Variants in NASP observed in about 807,000 individuals in gnomAD.
NASP encodes NASP histone chaperone.
Under a neutral mutation model 89.5 loss-of-function variants are expected in NASP, and 24 were observed. The ratio of observed to expected loss-of-function variants is 0.27; its 90% confidence interval spans 0.19 to 0.38. The LOEUF is 0.38. Among genes scored for constraint, NASP ranks in the 10% least tolerant of loss-of-function variants. The pLI is 1.00. For synonymous variants in NASP, 306 were observed against 324.7 expected (o/e 0.94, Z 0.62); for missense variants, 848 against 921.4 (o/e 0.92, Z 1.03).
rs1413712544 is a variant in NASP at position 45,607,785 on chromosome 1, G to C, written c.874G>C (p.Ala292Pro). ...GGTGACTCTAGAAAAGCAGGGCACT[G>C]CAGTGGAGGTAGAAGCAGAGTCTTT... ...PVVTLEKQGT[A>P]VEVEAESLDP... Residue 292 changes from alanine (A) to proline (P), a missense_variant, in exon 6 of 15, where the codon GCA becomes CCA. Transcript: ENST00000350030. 1 of 1,614,196 alleles carries C rather than the reference G, an allele frequency of 6.2e-7. No homozygotes were observed. The highest frequency in any genetic ancestry group is 8.5e-7 in the Non-Finnish European group (1 of 1,180,030).
At position 45,584,071 on chromosome 1, in the gene NASP, A is replaced by T; in HGVS notation, c.-76A>T. 1 of 1,379,688 alleles carries T rather than the reference A, an allele frequency of 7.2e-7. No individual in the cohort carries two copies. Among genetic ancestry groups the T allele is most frequent in the Non-Finnish European group, 1.0e-6 (1 of 995,954 alleles). 85.5% of individuals were successfully genotyped at this position (1,379,688 alleles called of 1,614,324 possible). A position where few individuals can be genotyped will look rare whatever the true frequency, so the allele number is the denominator to read the frequency against. ...ATCTGCCATTTTCTGTCCCTGAGTG[A>T]GTCTCTGGCGTCCCAAATTGCCTGT... On this transcript the variant is annotated 5_prime_UTR_variant, in exon 1 of 15. Transcript: ENST00000350030.
rs1238680685 is a variant in NASP at position 45,614,993 on chromosome 1, C to G, written c.1667-20C>G. ...GTTGAATGCTGTCCATTTACTTGCT[C>G]TTCTTTTTCTCTTTGTTAGAAAACT... is the stretch of plus-strand genomic sequence containing the variant. On this transcript the variant is annotated intron_variant, in intron 9 of 14. Coordinates refer to ENST00000350030, the MANE Select transcript of NASP (RefSeq NM_002482.4). 1 of 1,602,742 alleles carries G rather than the reference C, an allele frequency of 6.2e-7. No individual in the cohort carries two copies. The highest frequency in any genetic ancestry group is 8.5e-7 in the Non-Finnish European group (1 of 1,173,902).
intron 1 of NASP, chr1:45,588,606 G>A (rs185940970): frequency 1.1e-5 from 5 of 452,682 alleles, no homozygotes; most frequent in Admixed American, 9.6e-5. Context: ...ACTATTCGAT[G>A]GGTAAAACAT....
chr1:45,585,998 C>T (rs570071692), intron 1 of NASP, among the ~76,000 whole-genome samples: 2 of 152,226 alleles, frequency 1.3e-5, no homozygotes, highest in African/African-American at 4.8e-5. Context: ...CTTGCAGGTC[C>T]CCTGTGTCTA....
chr1:45,617,357 C>A, intron 13 of NASP, 106 bp from the exon 14 acceptor site: 1 of 1,330,630 alleles, frequency 7.5e-7, no homozygotes, highest in Non-Finnish European at 1.0e-6. Flanking sequence ...AGCTGTGAAT[C>A]CTGATGTTCA....
chr1:45,596,578 G>A (rs1002886170), intron 2 of NASP, among the ~76,000 whole-genome samples: 4 of 152,126 alleles, frequency 2.6e-5, no homozygotes, highest in African/African-American at 9.7e-5. Context: ...TGTGACGTTG[G>A]GTTTATGTAA....
chr1:45,590,877 A>G (rs889364890), intron 1 of NASP, among the ~76,000 whole-genome samples: 2 of 152,132 alleles, frequency 1.3e-5, no homozygotes, highest in Non-Finnish European at 2.9e-5. Flanking sequence ...TTCGATATAC[A>G]TGACTGGCTG....
intron 3 of NASP, among the ~76,000 whole-genome samples, chr1:45,603,305 C>CT (rs1245991530): frequency 6.6e-6 from 1 of 152,174 alleles, no homozygotes; most frequent in African/African-American, 2.4e-5. Flanking sequence ...TGCAATTGAA[C>CT]TTGAAGGTCA....
chr1:45,614,628 A>T (rs3014248), intron 9 of NASP, among the ~76,000 whole-genome samples: 109,997 of 151,876 alleles, frequency 0.72, 39,934 homozygotes, highest in African/African-American at 0.76. Context: ...AACCTCCGCC[A>T]CCCGGGTTCA....
Position 45,615,125 on chromosome 1 carries a change from T to C in NASP, c.1779T>C (p.Ala593=), listed in dbSNP as rs752045615. Residue 593 remains alanine, a synonymous_variant, in exon 10 of 15, where the codon GCT becomes GCC. Coordinates refer to ENST00000350030, the MANE Select transcript of NASP (RefSeq NM_002482.4). ...LAETHYQLGL[A]YGYNSQYDEA... ...AGACCCACTACCAGCTGGGCTTGGC[T>C]TATGGGTACAACTCTCAGTATGATG... The C allele has an allele frequency of 1.2e-6, 2 of 1,614,150 alleles. No homozygotes were observed. Among genetic ancestry groups the C allele is most frequent in the African/African-American group, 1.3e-5 (1 of 75,018 alleles).
At chr1:45,617,404 C>A in intron 13 of NASP, 59 bp from the exon 14 acceptor site, 1 of 1,559,010 alleles carries the variant, frequency 6.4e-7, no homozygotes, top group Non-Finnish European at 8.7e-7. Context: ...AAATGTTTTG[C>A]AGTTGTCTTT....
intron 1 of NASP, among the ~76,000 whole-genome samples, chr1:45,586,297 GT>G (rs5773886): frequency 0.017 from 1,575 of 91,444 alleles, 36 homozygotes; most frequent in East Asian, 0.035. Context: ...GTGTGTGTGT[GT>G]GTGTGTGTGT....
chr1:45,599,148 A>T (rs959515735), intron 2 of NASP, among the ~76,000 whole-genome samples: 7 of 151,142 alleles, frequency 4.6e-5, no homozygotes, highest in African/African-American at 1.7e-4. Context: ...GTTTGTTTGG[A>T]CATAGGGTCT....
chr1:45,594,772 A>T, intron 2 of NASP: 1 of 452,032 alleles, frequency 2.2e-6, no homozygotes, highest in Non-Finnish European at 4.5e-6. Flanking sequence ...CTGGGATTAC[A>T]GGTGTGAGCC....
intron 5 of NASP, 88 bp downstream of exon 5, chr1:45,606,679 G>C (rs781476646): frequency 6.8e-5 from 60 of 876,258 alleles, no homozygotes; most frequent in Non-Finnish European, 1.0e-4. Flanking sequence ...ACCTGTCCTG[G>C]ATGGTCTCTC....
Position 45,616,318 on chromosome 1 carries a change from G to A in NASP, c.2023-19G>A. 1 of 1,613,464 alleles carries A rather than the reference G, an allele frequency of 6.2e-7. No individual in the cohort carries two copies. Among genetic ancestry groups the A allele is most frequent in the Non-Finnish European group, 8.5e-7 (1 of 1,179,374 alleles). On this transcript the variant is annotated intron_variant, in intron 11 of 14. Coordinates refer to ENST00000350030, the MANE Select transcript of NASP (RefSeq NM_002482.4). ...TGGGTTCTATCTTCAAACTAATTTG[G>A]ATTTGTCATTTCTCGCAGGTGGAGA...
At chr1:45,612,297 GTGTT>G (rs1169982639) in intron 6 of NASP, 1 of 152,196 alleles carries the variant, frequency 6.6e-6, no homozygotes, top group Non-Finnish European at 1.5e-5. Context: ...CATAGTAAGA[GTGTT>G]TGGAGATAGT....
At chr1:45,595,361 C>T (rs1643670144) in intron 2 of NASP, among the ~76,000 whole-genome samples, 1 of 152,114 alleles carries the variant, frequency 6.6e-6, no homozygotes, top group African/African-American at 2.4e-5. Flanking sequence ...TACCCGTCAT[C>T]TTGCTTTTAC....
At chr1:45,610,335 A>G (rs1433597263) in intron 6 of NASP, 1 of 152,172 alleles carries the variant, frequency 6.6e-6, no homozygotes, top group South Asian at 2.1e-4. Flanking sequence ...AGTTTTCCAT[A>G]TTTTACAAAA....
Sources: allele counts gnomAD v4.1 joint callset (sites outside exome capture counted in the v4.1 genomes callset), GRCh38; gene constraint gnomAD v4.1.1; transcripts MANE v1.5; gene names NCBI Gene and HGNC (gene_info 2026-07-23, HGNC 2026-07-21).